The following ST6GALNAC3 variants were observed in gnomAD, a reference collection of about 807,000 sequenced individuals.
ST6GALNAC3 encodes alpha-N-acetylgalactosaminide alpha-2,6-sialyltransferase 3.
In ST6GALNAC3, 25 loss-of-function variants were observed where a neutral mutation model predicts 32.7. The observed-to-expected ratio is 0.76, with a 90% CI of 0.56 to 1.07. The LOEUF (loss-of-function observed/expected upper bound fraction) is 1.07. ST6GALNAC3 is among the 50% of genes least tolerant of loss of function. The pLI is 0.00. For missense variants in ST6GALNAC3, 355 were observed against 382.4 expected (o/e 0.93, Z 0.60); for synonymous variants, 129 against 133.1 (o/e 0.97, Z 0.21).
At chr1:76,084,653 A>G (rs1443717792) in intron 1 of ST6GALNAC3, among the ~76,000 whole-genome samples, 3 of 152,220 alleles carry the variant, frequency 2.0e-5, no homozygotes, top group African/African-American at 7.2e-5. Context: ...TTCTGTGTGC[A>G]TAAATTCAGC....
intron 1 of ST6GALNAC3, among the ~76,000 whole-genome samples, chr1:76,260,496 C>A (rs1658166972): frequency 6.6e-6 from 1 of 152,180 alleles, no homozygotes; most frequent in Non-Finnish European, 1.5e-5. Context: ...TCAATCACAA[C>A]AACAGCCCTA....
chr1:76,539,360 T>C (rs951611311), intron 3 of ST6GALNAC3, among the ~76,000 whole-genome samples: 1 of 152,150 alleles, frequency 6.6e-6, no homozygotes, highest in Non-Finnish European at 1.5e-5. Flanking sequence ...TATTCAAAAA[T>C]TAACTCAAGA....
At chr1:76,511,076 TC>T (rs1661828729) in intron 3 of ST6GALNAC3, among the ~76,000 whole-genome samples, 1 of 152,090 alleles carries the variant, frequency 6.6e-6, no homozygotes, top group African/African-American at 2.4e-5. Flanking sequence ...ATCTCTATTT[TC>T]CCTCCCAGCT....
intron 3 of ST6GALNAC3, among the ~76,000 whole-genome samples, chr1:76,594,098 A>G (rs1414144246): frequency 6.6e-6 from 1 of 152,108 alleles, no homozygotes; most frequent in Non-Finnish European, 1.5e-5. Flanking sequence ...TTAGGGGATA[A>G]CTTTCAGTGA....
intron 1 of ST6GALNAC3, among the ~76,000 whole-genome samples, chr1:76,313,498 C>G (rs1646807459): frequency 1.3e-5 from 2 of 151,980 alleles, no homozygotes; most frequent in Non-Finnish European, 2.9e-5. Flanking sequence ...GGTTTCCTGT[C>G]ATTGGAAATG....
chr1:76,524,712 CAGT>C (rs1313072381), intron 3 of ST6GALNAC3, among the ~76,000 whole-genome samples: 5 of 141,370 alleles, frequency 3.5e-5, no homozygotes, highest in South Asian at 2.3e-4. Context: ...GCAAATATTT[CAGT>C]TTTTTTTTTT....
chr1:76,478,760 CTTTTTTTTTTTTT>C (rs397861238), intron 3 of ST6GALNAC3, among the ~76,000 whole-genome samples: 1 of 109,088 alleles, frequency 9.2e-6, no homozygotes, highest in African/African-American at 3.7e-5. Context: ...TTTATTAATT[CTTTTTTTTTTTTT>C]TTTTTTTGAG....
chr1:76,535,621 G>T (rs923305227), intron 3 of ST6GALNAC3, among the ~76,000 whole-genome samples: 2 of 152,114 alleles, frequency 1.3e-5, no homozygotes, highest in Non-Finnish European at 2.9e-5. Context: ...ACTTAAAAAT[G>T]GAAACAGAAT....
chr1:76,434,784 G>GTTTTTTTTTTTTTTTTTTTTTTTTTTTTT (rs1211703628), intron 3 of ST6GALNAC3, among the ~76,000 whole-genome samples: 1 of 72,204 alleles, frequency 1.4e-5, no homozygotes, highest in Non-Finnish European at 2.5e-5. Flanking sequence ...TTTTTTCTCT[G>GTTTTTTTTTTTTTTTTTTTTTTTTTTTTT]TTTTTTTTTT....
At chr1:76,522,809 C>A (rs1289032606) in intron 3 of ST6GALNAC3, among the ~76,000 whole-genome samples, 2 of 152,178 alleles carry the variant, frequency 1.3e-5, no homozygotes, top group African/African-American at 4.8e-5. Flanking sequence ...AAGTCATGAA[C>A]AGACTCAAAT....
In ST6GALNAC3 at chr1:76,548,083, T is replaced by G. The variant is rs945236395; in HGVS notation, c.624-79369T>G. Among the ~76,000 whole-genome samples, 4 of 152,134 alleles carry G rather than the reference T, an allele frequency of 2.6e-5. No individual in the cohort carries two copies. The East Asian group carries it at 7.7e-4, about 29-fold the overall frequency. On this transcript the variant is annotated intron_variant, in intron 3 of 4. Coordinates refer to ENST00000328299, the MANE Select transcript of ST6GALNAC3 (RefSeq NM_152996.4). ...TGCAAAGCCTTCATAGTGCCATTGT[T>G]AAGCTCCAGGCTCAGAGGGCTTCCT...
At chr1:76,497,908 G>A (rs968996035) in intron 3 of ST6GALNAC3, among the ~76,000 whole-genome samples, 1 of 152,138 alleles carries the variant, frequency 6.6e-6, no homozygotes, top group Admixed American at 6.6e-5. Context: ...TGTCTCACTT[G>A]CCCTTACGCT....
At chr1:76,209,676 C>G (rs1425204184) in intron 1 of ST6GALNAC3, among the ~76,000 whole-genome samples, 2 of 152,200 alleles carry the variant, frequency 1.3e-5, no homozygotes, top group Non-Finnish European at 2.9e-5. Context: ...ACTCCCCCAA[C>G]AGTTGTTTAA....
chr1:76,353,704 G>C (rs892274887), intron 2 of ST6GALNAC3: 1 of 153,214 alleles, frequency 6.5e-6, no homozygotes, highest in African/African-American at 2.4e-5. Context: ...TCCTCAAAGA[G>C]TGGCAACAGC....
intron 1 of ST6GALNAC3, among the ~76,000 whole-genome samples, chr1:76,180,668 GAGA>G (rs1349364042): frequency 6.6e-6 from 1 of 152,172 alleles, no homozygotes; most frequent in Admixed American, 6.5e-5. Flanking sequence ...TGTTGCAGCA[GAGA>G]AGGAGAGAAG....
chr1:76,138,440 A>G (rs745764385), intron 1 of ST6GALNAC3, among the ~76,000 whole-genome samples: 13 of 152,058 alleles, frequency 8.5e-5, no homozygotes, highest in Non-Finnish European at 1.8e-4. Context: ...AAAAACCAGG[A>G]AATTTAAACA....
chr1:76,293,088 A>T (rs112349236), intron 1 of ST6GALNAC3, among the ~76,000 whole-genome samples: 210 of 152,238 alleles, frequency 1.4e-3, no homozygotes, highest in African/African-American at 4.7e-3. Context: ...CTAAAACCTC[A>T]GGTTTTTCTT....
At chr1:76,451,711 C>G (rs1184791546) in intron 3 of ST6GALNAC3, among the ~76,000 whole-genome samples, 1 of 152,120 alleles carries the variant, frequency 6.6e-6, no homozygotes, top group Non-Finnish European at 1.5e-5. Context: ...TGATTTGATT[C>G]TCAGCTTAGT....
intron 1 of ST6GALNAC3, among the ~76,000 whole-genome samples, chr1:76,303,045 G>T (rs12407837): frequency 9.9e-6 from 1 of 101,056 alleles, no homozygotes. Context: ...TCTGCAACCA[G>T]TCCGATTGGT....
Sources: allele counts gnomAD v4.1 joint callset (sites outside exome capture counted in the v4.1 genomes callset), GRCh38; gene constraint gnomAD v4.1.1; transcripts MANE v1.5; gene names NCBI Gene and HGNC (gene_info 2026-07-23, HGNC 2026-07-21).